LRRIQ3: variants seen among roughly 807,000 people sequenced by gnomAD.
LRRIQ3 encodes the protein leucine rich repeats and IQ motif containing 3, also known as leucine-rich repeat and IQ domain-containing protein 3.
LRRIQ3 carries 75 observed loss-of-function variants against 59.3 expected under a neutral mutation model. That is an observed-to-expected ratio of 1.26 (90% CI 1.05 to 1.53). The LOEUF (loss-of-function observed/expected upper bound fraction) is 1.53, where lower values mean the gene tolerates loss of function less well. Among genes scored for constraint, LRRIQ3 ranks in the 40% most tolerant of loss-of-function variants. The pLI, the probability that LRRIQ3 is intolerant of heterozygous loss-of-function variation, is 0.00. For missense variants in LRRIQ3, 831 were observed against 710.0 expected (o/e 1.17, Z -1.94); for synonymous variants, 250 against 231.3 (o/e 1.08, Z -0.73).
At chr1:74,079,961 C>T (rs535633790) in intron 5 of LRRIQ3, among the ~76,000 whole-genome samples, 1 of 151,888 alleles carries the variant, frequency 6.6e-6, no homozygotes, top group African/African-American at 2.4e-5. Context: ...CACTCAGCAA[C>T]CCTTCACAAC....
At chr1:74,098,920 T>C (rs982004723) in intron 5 of LRRIQ3, among the ~76,000 whole-genome samples, 4 of 152,198 alleles carry the variant, frequency 2.6e-5, no homozygotes, top group South Asian at 4.1e-4. Context: ...TAGAGGGAAA[T>C]TTATAGCACC....
intron 5 of LRRIQ3, among the ~76,000 whole-genome samples, chr1:74,076,872 C>A (rs1236006363): frequency 1.3e-5 from 2 of 152,002 alleles, no homozygotes; most frequent in African/African-American, 4.8e-5. Context: ...AAGACAATTT[C>A]TATTCACTCT....
chr1:74,046,838 CAT>C (rs1654218838), intron 6 of LRRIQ3, among the ~76,000 whole-genome samples: 1 of 152,108 alleles, frequency 6.6e-6, no homozygotes, highest in African/African-American at 2.4e-5. Context: ...GGCCAAAAAA[CAT>C]ATGAGAAAAA....
At chr1:74,060,255 TTCC>T (rs1341245011) in intron 6 of LRRIQ3, among the ~76,000 whole-genome samples, 167 of 135,112 alleles carry the variant, frequency 1.2e-3, no homozygotes, top group African/African-American at 4.5e-3. Flanking sequence ...CTTCTTCTTC[TTCC>T]TCTTCCTCTT....
chr1:74,135,492 C>A (rs571834144), intron 4 of LRRIQ3, among the ~76,000 whole-genome samples: 5 of 151,774 alleles, frequency 3.3e-5, no homozygotes, highest in African/African-American at 1.2e-4. Flanking sequence ...TATCTCATAA[C>A]AAGGCTATAA....
intron 6 of LRRIQ3, among the ~76,000 whole-genome samples, chr1:74,067,384 G>T (rs1654896393): frequency 1.3e-5 from 2 of 152,058 alleles, no homozygotes; most frequent in Non-Finnish European, 2.9e-5. Context: ...TTTCCGTGTG[G>T]AGTTAGTTCT....
intron 4 of LRRIQ3, among the ~76,000 whole-genome samples, chr1:74,113,407 T>G (rs1646731012): frequency 6.6e-6 from 1 of 151,682 alleles, no homozygotes; most frequent in Admixed American, 6.6e-5. Flanking sequence ...TTTTGAAAAA[T>G]TAATCTACAC....
intron 5 of LRRIQ3, among the ~76,000 whole-genome samples, chr1:74,106,474 C>G (rs908651199): frequency 6.6e-6 from 1 of 151,912 alleles, no homozygotes; most frequent in Non-Finnish European, 1.5e-5. Flanking sequence ...GTGAGTATCT[C>G]TCACACTATA....
intron 5 of LRRIQ3, among the ~76,000 whole-genome samples, chr1:74,091,754 A>C (rs1362866189): frequency 6.6e-6 from 1 of 152,056 alleles, no homozygotes; most frequent in African/African-American, 2.4e-5. Flanking sequence ...TTCAAGTGGA[A>C]AGTATCTATT....
intron 1 of LRRIQ3, 48 bp downstream of exon 1, chr1:74,197,948 T>C (rs1651334161): frequency 2.6e-6 from 1 of 387,842 alleles, no homozygotes; most frequent in East Asian, 4.1e-5. Context: ...CGCCTTATCC[T>C]TAGCGGGTCG....
At position 74,026,459 on chromosome 1, in the gene LRRIQ3, T is replaced by G; in HGVS notation, c.*354A>C. 6.1e-6 allele frequency: 1 copy of G among 164,452 alleles called. No homozygotes were observed. The highest frequency in any genetic ancestry group is 1.3e-5 in the Non-Finnish European group (1 of 76,560). 10.2% of individuals were successfully genotyped at this position (164,452 alleles called of 1,614,324 possible). ...TCAGCAGTTGGAGTAGAAATTACTA[T>G]TCTAAGGTTTCCAGAAAAACCTAAA... is the stretch of plus-strand genomic sequence containing the variant. On this transcript the variant is annotated 3_prime_UTR_variant, in exon 8 of 8. Transcript: ENST00000354431.
At chr1:74,179,310 C>A (rs1198212400) in intron 3 of LRRIQ3, among the ~76,000 whole-genome samples, 1 of 151,886 alleles carries the variant, frequency 6.6e-6, no homozygotes, top group Non-Finnish European at 1.5e-5. Context: ...GGTTAGAAAT[C>A]ATTTTATGTC....
At chr1:74,047,914 G>T (rs1173323920) in intron 6 of LRRIQ3, among the ~76,000 whole-genome samples, 1 of 152,080 alleles carries the variant, frequency 6.6e-6, no homozygotes, top group Non-Finnish European at 1.5e-5. Flanking sequence ...GATTGAATCA[G>T]GTTAGTGTTC....
chr1:74,140,004 A>G (rs1224948243), intron 4 of LRRIQ3, among the ~76,000 whole-genome samples: 11 of 151,914 alleles, frequency 7.2e-5, no homozygotes, highest in African/African-American at 2.4e-4. Context: ...GAAGGCAGGA[A>G]ATATGAGGGA....
At chr1:74,139,084 A>ATG (rs1387333088) in intron 4 of LRRIQ3, among the ~76,000 whole-genome samples, 203 of 139,014 alleles carry the variant, frequency 1.5e-3, no homozygotes, top group African/African-American at 5.1e-3. Flanking sequence ...ACATATATGT[A>ATG]TGTGTGTGTG....
At chr1:74,035,817 C>T (rs539501926) in intron 7 of LRRIQ3, among the ~76,000 whole-genome samples, 7 of 152,048 alleles carry the variant, frequency 4.6e-5, no homozygotes, top group African/African-American at 9.7e-5. Flanking sequence ...GGAATATTCA[C>T]GATCTCCTTG....
intron 5 of LRRIQ3, among the ~76,000 whole-genome samples, chr1:74,093,971 C>CT (rs768067518): frequency 3.3e-5 from 5 of 151,830 alleles, no homozygotes; most frequent in East Asian, 1.9e-4. Context: ...AAAACATAGT[C>CT]TTTTTTTTCT....
At chr1:74,170,054 T>A (rs1649226921) in intron 3 of LRRIQ3, among the ~76,000 whole-genome samples, 1 of 152,174 alleles carries the variant, frequency 6.6e-6, no homozygotes, top group African/African-American at 2.4e-5. Flanking sequence ...GGTATAAGAG[T>A]TCCTTATATA....
In LRRIQ3 at chr1:74,041,531, G is replaced by A; in HGVS notation, c.1400C>T (p.Ala467Val). ...ATTTTCTTCAATTAGTTTTTGTGTA[G>A]CATATTTTTTCTGATTCAAATGTTC... Reference protein sequence around the residue: ...VNEHLNQKKYATQKLIEENKE... With the variant: ...VNEHLNQKKYVTQKLIEENKE... The change falls in exon 7 of 8, where the codon GCT (alanine) becomes GTT (valine). Residue 467 changes from alanine to valine, a missense_variant. Physicochemically the swap from Ala to Val is moderately conservative, Grantham distance 64. Transcript: ENST00000354431. 6.2e-7 allele frequency: 1 copy of A among 1,611,690 alleles called. No individual in the cohort carries two copies. The highest frequency in any genetic ancestry group is 1.1e-5 in the South Asian group (1 of 90,378).
Sources: allele counts gnomAD v4.1 joint callset (sites outside exome capture counted in the v4.1 genomes callset), GRCh38; gene constraint gnomAD v4.1.1; transcripts MANE v1.5; gene names NCBI Gene and HGNC (gene_info 2026-07-23, HGNC 2026-07-21).